Variants in ROS1 observed in about 807,000 individuals in gnomAD.
ROS1 encodes the protein proto-oncogene tyrosine-protein kinase ROS.
ROS1 carries 263 observed loss-of-function variants against 273.5 expected under a neutral mutation model. The ratio of observed to expected loss-of-function variants is 0.96; its 90% CI spans 0.87 to 1.06. ROS1 has a LOEUF of 1.06. ROS1 is among the 50% of genes least tolerant of loss of function. The pLI, the probability that ROS1 is intolerant of heterozygous loss-of-function variation, is 0.00. For synonymous variants in ROS1, 1,008 were observed against 954.1 expected, an observed-to-expected ratio of 1.06 and a Z score of -1.04; for missense variants, 2,833 against 2,751.1, an observed-to-expected ratio of 1.03 and a Z score of -0.67.
intron 7 of ROS1, among the ~76,000 whole-genome samples, chr6:117,398,693 A>AAAAAAAAACAAAAAAC: frequency 7.1e-6 from 1 of 141,220 alleles, no homozygotes; most frequent in Non-Finnish European, 1.6e-5. Context: ...AAAAAAAAAA[A>AAAAAAAAACAAAAAAC]AAAACTCGCG....
intron 37 of ROS1, among the ~76,000 whole-genome samples, chr6:117,319,536 G>T (rs1163392322): frequency 1.3e-5 from 2 of 152,078 alleles, no homozygotes; most frequent in East Asian, 3.9e-4. Flanking sequence ...TTAAGAAAAG[G>T]TTTGCTGACC....
intron 24 of ROS1, among the ~76,000 whole-genome samples, chr6:117,358,513 G>A (rs1779518633): frequency 6.6e-6 from 1 of 151,782 alleles, no homozygotes; most frequent in Non-Finnish European, 1.5e-5. Flanking sequence ...AGGCTGGAGT[G>A]CAGTGGCATG....
At chr6:117,321,107 T>C (rs1776258584) in intron 36 of ROS1, 152 bp downstream of exon 36, 1 of 756,068 alleles carries the variant, frequency 1.3e-6, no homozygotes, top group African/African-American at 1.8e-5. Context: ...CCAGGTCACA[T>C]TTGAGAGTGG....
intron 16 of ROS1, 85 bp downstream of exon 16, chr6:117,385,598 A>G: frequency 3.1e-6 from 1 of 325,488 alleles, no homozygotes; most frequent in Non-Finnish European, 4.8e-6. Flanking sequence ...ACAGGTATTT[A>G]AAAAAAAAAA....
chr6:117,365,153 C>T lies in ROS1; in HGVS notation c.3010G>A (p.Glu1004Lys), dbSNP rs777378778. 8 of 1,613,000 alleles carry T rather than the reference C, an allele frequency of 5.0e-6. 1 individual carries two copies. The highest frequency in any genetic ancestry group is 6.8e-6 in the Non-Finnish European group (8 of 1,179,076). The change falls in exon 21 of 44, where the codon GAA becomes AAA. Residue 1004 changes from glutamate to lysine, a missense_variant. Coordinates refer to ENST00000368507, the MANE Select transcript of ROS1 (RefSeq NM_001378902.1). ...SLPVFTVEGLEPYALFNLSVT... is the reference protein window; with the variant it reads ...SLPVFTVEGLKPYALFNLSVT... ...GAAAGATTAAATAAGGCATAAGGTTCCAGTCCTTCCACAGTAAATACAGGT... is the reference window on the plus strand; with the variant it reads ...GAAAGATTAAATAAGGCATAAGGTTTCAGTCCTTCCACAGTAAATACAGGT...
intron 5 of ROS1, among the ~76,000 whole-genome samples, chr6:117,408,850 G>A (rs1763287147): frequency 6.6e-6 from 1 of 152,116 alleles, no homozygotes; most frequent in Non-Finnish European, 1.5e-5. Flanking sequence ...TTAAGAAAAC[G>A]TGGCACACAT....
chr6:117,419,737 G>A (rs1408367890), intron 1 of ROS1, among the ~76,000 whole-genome samples: 1 of 152,070 alleles, frequency 6.6e-6, no homozygotes, highest in African/African-American at 2.4e-5. Flanking sequence ...GTGGATGCTG[G>A]GTAGTCTTTG....
intron 7 of ROS1, among the ~76,000 whole-genome samples, chr6:117,398,737 G>A (rs972020358): frequency 4.0e-5 from 6 of 150,106 alleles, no homozygotes; most frequent in African/African-American, 1.5e-4. Flanking sequence ...CACTTTAGGA[G>A]GCCGAGGCGG....
chr6:117,334,598 T>C (rs372904639), intron 32 of ROS1, among the ~76,000 whole-genome samples: 2 of 152,116 alleles, frequency 1.3e-5, no homozygotes, highest in East Asian at 1.9e-4. Context: ...TCAAACTATA[T>C]TACAAAGCTA....
rs2128638048 is a variant in ROS1, at chr6:117,353,083, C to T, written c.4210G>A (p.Ala1404Thr). 5 of 1,614,090 alleles carry T rather than the reference C, an allele frequency of 3.1e-6. No individual in the cohort carries two copies. The highest frequency in any genetic ancestry group is 3.3e-5 in the Admixed American group (2 of 60,018). ...TAKDSTQIYQ[A>T]KKGNGAIVSQ... ...ACGATGGCCCCATTTCCTTTCTTTG[C>T]CTGATAAATCTGTGTGCTGTCCTTT... Residue 1404 changes from alanine (A) to threonine (T), a missense_variant, in exon 27 of 44, where the codon GCA becomes ACA. Ala to Thr is a moderately conservative substitution (Grantham distance 58). Coordinates refer to ENST00000368507, the MANE Select transcript of ROS1 (RefSeq NM_001378902.1).
In ROS1 at chr6:117,310,268, T is replaced by A; in HGVS notation, c.6229A>T (p.Arg2077Ter). The A allele has an allele frequency of 6.2e-7, 1 of 1,607,692 alleles. No individual in the cohort carries two copies. ...MHFIHRDLAARNCLVSVKDYT... is the reference protein window; with the variant it reads ...MHFIHRDLAA ...TCTTTCACGGAAACAAGGCAATTTC[T>A]AGCTGCCAGATCCCTGTGGCAGAAG... Residue 2077 changes from arginine to a stop codon, truncating the protein, a stop_gained, in exon 41 of 44, where the codon AGA (arginine) becomes TGA (stop). Coordinates refer to ENST00000368507, the MANE Select transcript of ROS1 (RefSeq NM_001378902.1). LOFTEE classifies it high-confidence loss of function.
At chr6:117,410,325 T>C (rs1274608202) in intron 4 of ROS1, among the ~76,000 whole-genome samples, 1 of 152,212 alleles carries the variant, frequency 6.6e-6, no homozygotes. Context: ...AACTTTAGAG[T>C]AAAATGATGC....
intron 43 of ROS1, among the ~76,000 whole-genome samples, chr6:117,298,456 T>C (rs1774424674): frequency 1.3e-5 from 2 of 152,232 alleles, no homozygotes; most frequent in Non-Finnish European, 1.5e-5. Flanking sequence ...TTACTGATGT[T>C]TTTCTATCTT....
chr6:117,298,340 A>T (rs6922307), intron 43 of ROS1, among the ~76,000 whole-genome samples: 44,892 of 151,662 alleles, frequency 0.3, 8,496 homozygotes, highest in African/African-American at 0.53. Context: ...AATTTATTTT[A>T]AAAAAAAGAG....
intron 27 of ROS1, among the ~76,000 whole-genome samples, chr6:117,348,434 C>A (rs769699730): frequency 6.6e-6 from 1 of 151,808 alleles, no homozygotes; most frequent in East Asian, 1.9e-4. Flanking sequence ...GAGATGTCCC[C>A]GCCTTCATTT....
At chr6:117,409,224 A>G (rs34280338) in intron 5 of ROS1, among the ~76,000 whole-genome samples, 8,983 of 134,572 alleles carry the variant, frequency 0.067, 320 homozygotes, top group Middle Eastern at 0.1. Context: ...TAAAATAAAT[A>G]AATAAATAAA....
chr6:117,323,125 C>G (rs1008051091), intron 35 of ROS1, among the ~76,000 whole-genome samples: 1 of 152,110 alleles, frequency 6.6e-6, no homozygotes, highest in Non-Finnish European at 1.5e-5. Context: ...CAAACATCAG[C>G]TGTGCAATAC....
At chr6:117,388,391 TA>T (rs996035914) in intron 13 of ROS1, among the ~76,000 whole-genome samples, 14 of 151,456 alleles carry the variant, frequency 9.2e-5, no homozygotes, top group East Asian at 3.9e-4. Flanking sequence ...GCCCAATCAA[TA>T]AAAAAAAATT....
At chr6:117,416,365 C>G (rs770097305) in intron 2 of ROS1, 48 bp from the exon 3 acceptor site, 5 of 1,243,718 alleles carry the variant, frequency 4.0e-6, no homozygotes, top group Non-Finnish European at 5.9e-6. Flanking sequence ...AGAAATGTGA[C>G]TTTTTCTTGT....
Sources: allele counts gnomAD v4.1 joint callset (sites outside exome capture counted in the v4.1 genomes callset), GRCh38; gene constraint gnomAD v4.1.1; transcripts MANE v1.5; gene names NCBI Gene and HGNC (gene_info 2026-07-23, HGNC 2026-07-21).